SND1: variants seen among roughly 807,000 people sequenced by gnomAD.
SND1 encodes staphylococcal nuclease and tudor domain containing 1, also known as staphylococcal nuclease domain-containing protein 1.
In SND1, 38 loss-of-function variants were observed where a neutral mutation model predicts 121.7. The ratio of observed to expected loss-of-function variants is 0.31; its 90% CI spans 0.24 to 0.41. SND1 has a LOEUF of 0.41. SND1 is among the 10% of genes least tolerant of loss of function. The probability of loss-of-function intolerance (pLI) is 1.00; values close to 1 mark genes in which losing one functional copy is unlikely to be tolerated. For missense variants in SND1, 868 were observed against 1,184.6 expected, an observed-to-expected ratio of 0.73 and a Z score of 3.92; for synonymous variants, 401 against 447.4, an observed-to-expected ratio of 0.90 and a Z score of 1.31.
chr7:128,031,755 C>T (rs953000903), intron 16 of SND1: 3 of 145,024 alleles, frequency 2.1e-5, no homozygotes, highest in Non-Finnish European at 3.1e-5. Context: ...GCGGCCGCAG[C>T]CCCCGGCGGC....
intron 14 of SND1, among the ~76,000 whole-genome samples, chr7:127,915,973 G>A (rs1800565017): frequency 6.6e-6 from 1 of 151,554 alleles, no homozygotes; most frequent in Admixed American, 6.6e-5. Flanking sequence ...TTTGAAATGG[G>A]AGTAGAATAA....
intron 15 of SND1, among the ~76,000 whole-genome samples, chr7:127,983,186 T>C (rs1159390282): frequency 1.3e-5 from 2 of 152,124 alleles, no homozygotes; most frequent in Non-Finnish European, 2.9e-5. Context: ...AAGGGTGGTA[T>C]GGGAAAGTAT....
At chr7:127,923,177 T>C (rs528871375) in intron 14 of SND1, among the ~76,000 whole-genome samples, 2 of 152,252 alleles carry the variant, frequency 1.3e-5, no homozygotes, top group South Asian at 4.2e-4. Context: ...TTTGTAGAGA[T>C]GGGGTATTGA....
chr7:127,724,691 G>A (rs1206035348), intron 10 of SND1, among the ~76,000 whole-genome samples: 1 of 152,140 alleles, frequency 6.6e-6, no homozygotes, highest in African/African-American at 2.4e-5. Context: ...TGGCATGTTT[G>A]GATTAAAATA....
chr7:127,698,041 C>T (rs933704079), intron 3 of SND1, among the ~76,000 whole-genome samples: 5 of 152,138 alleles, frequency 3.3e-5, no homozygotes, highest in African/African-American at 9.7e-5. Context: ...TCAATAGCCT[C>T]GAACTACAAT....
chr7:127,788,958 A>G (rs1441359967), intron 10 of SND1, among the ~76,000 whole-genome samples: 1 of 152,148 alleles, frequency 6.6e-6, no homozygotes, highest in Non-Finnish European at 1.5e-5. Context: ...TACCTTGTAT[A>G]TATTTCCTCA....
At chr7:128,070,101 G>A (rs1422155732) in intron 16 of SND1, among the ~76,000 whole-genome samples, 1 of 152,240 alleles carries the variant, frequency 6.6e-6, no homozygotes, top group Non-Finnish European at 1.5e-5. Context: ...TGCAATGGCT[G>A]TCAACATCTG....
intron 15 of SND1, among the ~76,000 whole-genome samples, chr7:127,942,650 A>C (rs1312658921): frequency 6.6e-6 from 1 of 152,186 alleles, no homozygotes; most frequent in African/African-American, 2.4e-5. Context: ...CCTGTTGGTG[A>C]ATGCTAACTT....
chr7:128,048,532 T>C (rs1341566229), intron 16 of SND1, among the ~76,000 whole-genome samples: 1 of 152,176 alleles, frequency 6.6e-6, no homozygotes, highest in Non-Finnish European at 1.5e-5. Flanking sequence ...GTGGTTCAAT[T>C]AGCACTGATT....
intron 16 of SND1, chr7:128,030,340 G>A: frequency 2.5e-6 from 4 of 1,614,094 alleles, no homozygotes; most frequent in South Asian, 1.1e-5. Context: ...AGGACCTCCA[G>A]GTGGTGGAGG....
chr7:127,694,635 C>G (rs1208594828), intron 2 of SND1, 193 bp from the exon 3 acceptor site: 5 of 569,622 alleles, frequency 8.8e-6, no homozygotes, highest in Non-Finnish European at 1.2e-5. Context: ...CTGCTGGACC[C>G]TCCTTTTTTT....
intron 10 of SND1, among the ~76,000 whole-genome samples, chr7:127,745,786 C>A (rs940241968): frequency 6.6e-6 from 1 of 152,082 alleles, no homozygotes; most frequent in Non-Finnish European, 1.5e-5. Context: ...GTTTGTGAAC[C>A]CCTTCCCCTG....
At chr7:127,869,434 T>C (rs967905401) in intron 12 of SND1, among the ~76,000 whole-genome samples, 2 of 152,184 alleles carry the variant, frequency 1.3e-5, no homozygotes, top group African/African-American at 4.8e-5. Context: ...TTTGTCTACT[T>C]TGACCTTCAG....
intron 16 of SND1, among the ~76,000 whole-genome samples, chr7:128,058,575 G>C (rs1264902692): frequency 6.6e-6 from 1 of 152,222 alleles, no homozygotes; most frequent in Non-Finnish European, 1.5e-5. Context: ...GGCAGGACCA[G>C]GCACAAAGCA....
intron 16 of SND1, among the ~76,000 whole-genome samples, chr7:128,009,082 C>G (rs1803052423): frequency 6.6e-6 from 1 of 152,176 alleles, no homozygotes; most frequent in Admixed American, 6.5e-5. Context: ...GCATAATTTT[C>G]TCAGGATTGC....
In SND1 at chr7:128,015,928, A is replaced by G. The variant is rs1027928158; in HGVS notation, c.1779+24872A>G. 2.6e-5 allele frequency among the ~76,000 whole-genome samples: 4 copies of G among 152,208 alleles called. No homozygotes were observed. The highest frequency in any genetic ancestry group is 9.7e-5 in the African/African-American group (4 of 41,444). On this transcript the variant is annotated intron_variant, in intron 16 of 23. Transcript: ENST00000354725. The surrounding 1 kb of genome is among the most constrained non-coding windows in gnomAD (Gnocchi z 4.5). Reference sequence around the variant, plus strand: ...TGCCCCTTCCACTTTAGATAGGGCCATGCAATGTAAATACATTATTTGTAT... The same window carrying G: ...TGCCCCTTCCACTTTAGATAGGGCCGTGCAATGTAAATACATTATTTGTAT...
chr7:127,828,061 T>C (rs553333841), intron 11 of SND1, among the ~76,000 whole-genome samples: 20 of 152,218 alleles, frequency 1.3e-4, no homozygotes, highest in African/African-American at 4.8e-4. Flanking sequence ...CAACGGCATG[T>C]TCTCGGCTCA....
chr7:127,950,117 G>C (rs1384795016), intron 15 of SND1, among the ~76,000 whole-genome samples: 2 of 152,138 alleles, frequency 1.3e-5, no homozygotes, highest in Non-Finnish European at 2.9e-5. Context: ...CTGGAGTTGG[G>C]CCAGAGAATT....
intron 15 of SND1, among the ~76,000 whole-genome samples, chr7:127,939,257 A>G (rs1801130995): frequency 6.6e-6 from 1 of 152,172 alleles, no homozygotes; most frequent in Non-Finnish European, 1.5e-5. Context: ...AGGAAACTGC[A>G]GGTGGTCAGA....
Sources: allele counts gnomAD v4.1 joint callset (sites outside exome capture counted in the v4.1 genomes callset), GRCh38; gene constraint gnomAD v4.1.1; non-coding constraint Gnocchi (gnomAD v3.1); transcripts MANE v1.5; gene names NCBI Gene and HGNC (gene_info 2026-07-23, HGNC 2026-07-21).